DTWD2: variants seen among roughly 807,000 people sequenced by gnomAD.
The protein encoded by DTWD2 is DTW motif tRNA-uridine aminocarboxypropyltransferase 2.
In DTWD2, 39 loss-of-function variants were observed where a neutral mutation model predicts 31.8. The observed-to-expected ratio is 1.22, with a 90% CI of 0.95 to 1.60. The LOEUF (loss-of-function observed/expected upper bound fraction) is 1.60. DTWD2 is among the 40% of genes most tolerant of loss of function. The pLI is 0.00. For missense variants in DTWD2, 515 were observed against 381.5 expected (o/e 1.35, Z -2.92); for synonymous variants, 180 against 142.8 (o/e 1.26, Z -1.86).
In DTWD2 at chr5:118,839,500, G is replaced by A. The variant is rs1481495055; in HGVS notation, c.*1417C>T. The stretch of plus-strand genomic sequence containing the variant: ...CTCCCAAGTAGCTAGGACTACAAGT[G>A]CACACCACCACATCTGGCTAATTAT... On this transcript the variant is annotated 3_prime_UTR_variant, in exon 6 of 6. Coordinates refer to ENST00000510708, the MANE Select transcript of DTWD2 (RefSeq NM_173666.4). The A allele has an allele frequency of 6.6e-6, 1 of 151,606 alleles. No individual in the cohort carries two copies. The highest frequency in any genetic ancestry group is 6.6e-5 in the Admixed American group (1 of 15,190). The allele number at this position is 151,606 out of a possible 1,614,324, so 9.4% of individuals were successfully genotyped here. A position where few individuals can be genotyped will look rare whatever the true frequency, so the allele number is the denominator to read the frequency against.
Position 118,927,096 on chromosome 5 carries a change from C to T in DTWD2, c.597+1441G>A, listed in dbSNP as rs150980447. ...AGAGAGAGAGAGAGACAAAGAGAGA[C>T]GGAGAGAGACAGAGAGCAAAAAGGA... is the stretch of plus-strand genomic sequence containing the variant. On this transcript the variant is annotated intron_variant, in intron 4 of 5. Transcript: ENST00000510708. 7.4e-4 allele frequency among the ~76,000 whole-genome samples: 113 copies of T among 152,150 alleles called. 1 individual carries two copies. The highest frequency in any genetic ancestry group is 2.2e-4 in the Non-Finnish European group (15 of 67,986).
intron 4 of DTWD2, among the ~76,000 whole-genome samples, chr5:118,915,665 C>A (rs1401100143): frequency 6.6e-6 from 1 of 152,162 alleles, no homozygotes; most frequent in African/African-American, 2.4e-5. Context: ...TGAGCCACTA[C>A]GCCCGGCCTA....
At chr5:118,971,286 G>C (rs774354379) in intron 1 of DTWD2, among the ~76,000 whole-genome samples, 40 of 152,226 alleles carry the variant, frequency 2.6e-4, no homozygotes, top group Admixed American at 2.6e-4. Flanking sequence ...AGGGATAAAG[G>C]AAAATTTACC....
chr5:118,932,716 C>G (rs1350612017), intron 3 of DTWD2, among the ~76,000 whole-genome samples: 1 of 152,142 alleles, frequency 6.6e-6, no homozygotes. Context: ...ACCATATGAA[C>G]AGGCAATGAG....
At chr5:118,921,531 A>G (rs1436896333) in intron 4 of DTWD2, among the ~76,000 whole-genome samples, 3 of 152,006 alleles carry the variant, frequency 2.0e-5, no homozygotes, top group Non-Finnish European at 2.9e-5. Context: ...TAAAAAAAAA[A>G]AAAGAAAGAA....
At chr5:118,879,894 A>G (rs992552544) in intron 4 of DTWD2, among the ~76,000 whole-genome samples, 2 of 152,170 alleles carry the variant, frequency 1.3e-5, no homozygotes, top group Non-Finnish European at 2.9e-5. Flanking sequence ...CTGTACAAAG[A>G]AACCCCATGA....
At chr5:118,944,040 A>C (rs1307848020) in intron 2 of DTWD2, among the ~76,000 whole-genome samples, 1 of 152,238 alleles carries the variant, frequency 6.6e-6, no homozygotes, top group African/African-American at 2.4e-5. Context: ...ACTGGCACAT[A>C]TGTATTTTAC....
chr5:118,979,894 C>A (rs969333087), intron 1 of DTWD2, among the ~76,000 whole-genome samples: 1 of 152,202 alleles, frequency 6.6e-6, no homozygotes, highest in Non-Finnish European at 1.5e-5. Flanking sequence ...CTAATGGATG[C>A]TGGGCTTAAT....
At chr5:118,855,585 C>G (rs1752115192) in intron 4 of DTWD2, among the ~76,000 whole-genome samples, 1 of 152,002 alleles carries the variant, frequency 6.6e-6, no homozygotes, top group Non-Finnish European at 1.5e-5. Flanking sequence ...ATCTGAAAGT[C>G]TGCAATGGGA....
intron 3 of DTWD2, among the ~76,000 whole-genome samples, 199 bp downstream of exon 3, chr5:118,938,997 A>T (rs1382075497): frequency 2.7e-5 from 4 of 148,896 alleles, no homozygotes; most frequent in African/African-American, 1.0e-4. Flanking sequence ...TACATTATTT[A>T]TTTTTTTATT....
chr5:118,977,590 G>C (rs1755194161), intron 1 of DTWD2, among the ~76,000 whole-genome samples: 1 of 152,128 alleles, frequency 6.6e-6, no homozygotes, highest in South Asian at 2.1e-4. Context: ...ATTCGCAATT[G>C]CTACAAAGAG....
chr5:118,987,857 A>C (rs1203201312), intron 1 of DTWD2, among the ~76,000 whole-genome samples: 1 of 152,218 alleles, frequency 6.6e-6, no homozygotes, highest in Non-Finnish European at 1.5e-5. Context: ...AACACCTGAA[A>C]AGGCCCTATA....
intron 4 of DTWD2, among the ~76,000 whole-genome samples, chr5:118,882,280 G>C (rs1752758911): frequency 6.6e-6 from 1 of 152,240 alleles, no homozygotes; most frequent in Non-Finnish European, 1.5e-5. Context: ...TGCAACAGGA[G>C]GGCTTCCAAA....
At chr5:118,908,281 C>T (rs781495068) in intron 4 of DTWD2, among the ~76,000 whole-genome samples, 3 of 152,096 alleles carry the variant, frequency 2.0e-5, no homozygotes, top group East Asian at 1.9e-4. Flanking sequence ...AGGAGTGATA[C>T]GGGTGAGTTC....
intron 4 of DTWD2, among the ~76,000 whole-genome samples, chr5:118,856,780 T>C (rs1580769215): frequency 7.0e-6 from 1 of 142,984 alleles, no homozygotes; most frequent in African/African-American, 2.6e-5. Flanking sequence ...TTTTTTTTTT[T>C]TTTTTTTTGA....
At chr5:118,914,465 C>T (rs77293185) in intron 4 of DTWD2, among the ~76,000 whole-genome samples, 4,530 of 152,240 alleles carry the variant, frequency 0.03, 236 homozygotes, top group African/African-American at 0.1. Context: ...AACCAAGACA[C>T]ACCCATATCA....
At chr5:118,917,662 G>C (rs1368918578) in intron 4 of DTWD2, among the ~76,000 whole-genome samples, 1 of 152,144 alleles carries the variant, frequency 6.6e-6, no homozygotes, top group Non-Finnish European at 1.5e-5. Flanking sequence ...GCAAAGGGGA[G>C]AAAAACCCCT....
chr5:118,915,144 G>A (rs1753545380), intron 4 of DTWD2, among the ~76,000 whole-genome samples: 1 of 152,006 alleles, frequency 6.6e-6, no homozygotes, highest in African/African-American at 2.4e-5. Context: ...TTGAACCTAG[G>A]AGGCAGGGGT....
At chr5:118,890,827 C>T (rs888122190) in intron 4 of DTWD2, among the ~76,000 whole-genome samples, 1 of 152,092 alleles carries the variant, frequency 6.6e-6, no homozygotes, top group Non-Finnish European at 1.5e-5. Context: ...CCTCGACCTC[C>T]CAAAGTGCTG....
Sources: gnomAD v4.1 joint callset for allele counts (sites outside exome capture counted in the v4.1 genomes callset) on GRCh38, gnomAD v4.1.1 for gene constraint, MANE v1.5 for transcripts, NCBI Gene and HGNC (gene_info 2026-07-23, HGNC 2026-07-21) for gene names.